PDE4D: variants seen among roughly 807,000 people sequenced by gnomAD.
PDE4D encodes 3',5'-cyclic-AMP phosphodiesterase 4D.
In PDE4D, 24 loss-of-function variants were observed where a neutral mutation model predicts 87.4. The observed-to-expected ratio is 0.27, with a 90% CI of 0.20 to 0.39. PDE4D has a LOEUF of 0.39. PDE4D is among the 10% of genes least tolerant of loss of function. PDE4D has a pLI of 1.00. For missense variants in PDE4D, 714 were observed against 1,041.0 expected (o/e 0.69, Z 4.32); for synonymous variants, 384 against 383.2 (o/e 1.00, Z -0.02).
At chr5:59,826,956 A>G (rs1012571329) in intron 1 of PDE4D, among the ~76,000 whole-genome samples, 4 of 152,100 alleles carry the variant, frequency 2.6e-5, no homozygotes, top group African/African-American at 9.7e-5. Flanking sequence ...CAGGTGTCAC[A>G]GGAGAGGATT....
chr5:60,033,813 A>G (rs558342766), intron 2 of PDE4D, among the ~76,000 whole-genome samples: 19 of 152,338 alleles, frequency 1.2e-4, no homozygotes, highest in African/African-American at 3.8e-4. Flanking sequence ...CAGTGAAAGT[A>G]AAGCACCCAG....
chr5:59,900,446 G>A (rs1561838059), intron 3 of PDE4D, among the ~76,000 whole-genome samples: 1 of 152,030 alleles, frequency 6.6e-6, no homozygotes. Flanking sequence ...TTCTTCCTGG[G>A]AGAAAAACTG....
At chr5:60,092,067 A>AG (rs1775196077) in intron 2 of PDE4D, among the ~76,000 whole-genome samples, 1 of 150,346 alleles carries the variant, frequency 6.7e-6, no homozygotes, top group Non-Finnish European at 1.5e-5. Flanking sequence ...AAAAAAAAAA[A>AG]AAAAAAAAAA....
intron 1 of PDE4D, among the ~76,000 whole-genome samples, chr5:59,621,316 T>A (rs984893154): frequency 1.3e-5 from 2 of 152,214 alleles, no homozygotes; most frequent in African/African-American, 4.8e-5. Context: ...AAGCTAAAAA[T>A]TAATGGATAT....
chr5:59,661,867 C>T (rs1745302658), intron 1 of PDE4D, among the ~76,000 whole-genome samples: 1 of 152,108 alleles, frequency 6.6e-6, no homozygotes, highest in African/African-American at 2.4e-5. Flanking sequence ...GTCCTGTTTG[C>T]CTGGGGTGCT....
At chr5:59,003,673 G>A (rs1029669862) in intron 6 of PDE4D, among the ~76,000 whole-genome samples, 1 of 152,110 alleles carries the variant, frequency 6.6e-6, no homozygotes, top group African/African-American at 2.4e-5. Flanking sequence ...GCACAATGGA[G>A]AGAAAGAAGG....
chr5:59,213,626 C>G (rs568219983), intron 2 of PDE4D, among the ~76,000 whole-genome samples: 3 of 152,200 alleles, frequency 2.0e-5, no homozygotes, highest in South Asian at 4.1e-4. Context: ...TCTTCCTACT[C>G]CACCCATCAG....
Position 59,094,350 on chromosome 5 carries a change from CCAAAAAACAAAAAGA to C in PDE4D, c.809-55394_809-55380del, listed in dbSNP as rs553887452. ...GTGTGTGAACAAATCTTCTAGAAGA[CCAAAAAACAAAAAGA>C]CAAAAAAGGAAGAAAACAATTAAGA... On this transcript the variant is annotated intron_variant, in intron 5 of 14. Coordinates refer to ENST00000340635, the MANE Select transcript of PDE4D (RefSeq NM_001104631.2). Among the ~76,000 whole-genome samples, 86 of 144,684 alleles carry C rather than the reference CCAAAAAACAAAAAGA, an allele frequency of 5.9e-4. 2 individuals carry two copies. The South Asian group carries it at 0.019, about 32-fold the overall frequency. 94.9% of individuals were successfully genotyped at this position (144,684 alleles called of 152,430 possible). A position where few individuals can be genotyped will look rare whatever the true frequency, so the allele number is the denominator to read the frequency against.
intron 1 of PDE4D, among the ~76,000 whole-genome samples, chr5:60,228,350 C>A (rs1408888379): frequency 2.0e-5 from 3 of 152,082 alleles, no homozygotes; most frequent in Non-Finnish European, 2.9e-5. Context: ...CTATGCAAAG[C>A]CCTACTAATA....
chr5:59,363,870 TAGAG>T (rs1782618654), intron 1 of PDE4D, among the ~76,000 whole-genome samples: 2 of 152,070 alleles, frequency 1.3e-5, no homozygotes, highest in Admixed American at 1.3e-4. Flanking sequence ...CTGTGGTAAC[TAGAG>T]AGAGAGGAGG....
intron 1 of PDE4D, among the ~76,000 whole-genome samples, chr5:60,315,779 C>A (rs113693668): frequency 0.057 from 8,606 of 151,268 alleles, 834 homozygotes; most frequent in African/African-American, 0.2. Context: ...TCAGGTTTGT[C>A]AAAGATCAGA....
chr5:59,153,617 A>G (rs1581090492), intron 5 of PDE4D, among the ~76,000 whole-genome samples: 1 of 152,150 alleles, frequency 6.6e-6, no homozygotes, highest in African/African-American at 2.4e-5. Context: ...TTCTGAGAAG[A>G]GATGTAAAAG....
intron 1 of PDE4D, among the ~76,000 whole-genome samples, chr5:60,451,941 C>T (rs553343994): frequency 6.6e-6 from 1 of 152,048 alleles, no homozygotes; most frequent in East Asian, 1.9e-4. Flanking sequence ...TATGTAATGA[C>T]AATAATAAAG....
At chr5:59,576,837 T>C (rs1823246545) in intron 1 of PDE4D, among the ~76,000 whole-genome samples, 1 of 152,154 alleles carries the variant, frequency 6.6e-6, no homozygotes, top group African/African-American at 2.4e-5. Flanking sequence ...ATAGGACTTT[T>C]CCCACAAATA....
chr5:59,081,411 T>C (rs1042612519), intron 5 of PDE4D, among the ~76,000 whole-genome samples: 5 of 151,590 alleles, frequency 3.3e-5, no homozygotes, highest in African/African-American at 1.2e-4. Flanking sequence ...AACAGAAAAA[T>C]AGGTCTGGTT....
At position 60,174,923 on chromosome 5, in the gene PDE4D, A is replaced by G. The variant is rs546813742; in HGVS notation, c.42+10634T>C. On this transcript the variant is annotated intron_variant, in intron 2 of 16. Coordinates refer to the PDE4D transcript ENST00000502484. ...TTTATTTTGGTATATATCTTGCTTGATATACTTGGAGATTTTGAGTCTGTG... is the reference window on the plus strand; with the variant it reads ...TTTATTTTGGTATATATCTTGCTTGGTATACTTGGAGATTTTGAGTCTGTG... Among the ~76,000 whole-genome samples the G allele has an allele frequency of 1.7e-3, 260 of 152,086 alleles. 1 individual carries two copies. The highest frequency in any genetic ancestry group is 2.9e-3 in the Non-Finnish European group (199 of 67,964).
intron 10 of PDE4D, 42 bp downstream of exon 10, chr5:58,989,713 A>T: frequency 7.4e-7 from 1 of 1,344,168 alleles, no homozygotes; most frequent in Non-Finnish European, 1.0e-6. Context: ...GACCTTTATG[A>T]GTGGCAAGTT....
chr5:59,639,079 C>T (rs1007681786), intron 1 of PDE4D, among the ~76,000 whole-genome samples: 2 of 151,956 alleles, frequency 1.3e-5, no homozygotes, highest in African/African-American at 4.8e-5. Context: ...TAGCATAAAA[C>T]ATTTTCCACA....
chr5:59,969,791 G>A (rs760778205), intron 3 of PDE4D, among the ~76,000 whole-genome samples: 1 of 152,286 alleles, frequency 6.6e-6, no homozygotes, highest in South Asian at 2.1e-4. Context: ...AGAAGGGTTT[G>A]CTTCCCCTTC....
Sources: allele counts gnomAD v4.1 joint callset (sites outside exome capture counted in the v4.1 genomes callset), GRCh38; gene constraint gnomAD v4.1.1; transcripts MANE v1.5; gene names NCBI Gene and HGNC (gene_info 2026-07-23, HGNC 2026-07-21).